Variants in ATRN observed in about 807,000 individuals in gnomAD.
ATRN encodes the protein attractin-2.
In ATRN, 54 loss-of-function variants were observed where a neutral mutation model predicts 178.7. The observed-to-expected ratio is 0.30, with a 90% CI of 0.24 to 0.38. ATRN has a LOEUF of 0.38. Among genes scored for constraint, ATRN ranks in the 10% least tolerant of loss-of-function variants. The probability of loss-of-function intolerance (pLI) is 1.00; values close to 1 mark genes in which losing one functional copy is unlikely to be tolerated. For missense variants in ATRN, 1,443 were observed against 1,815.1 expected (o/e 0.79, Z 3.73); for synonymous variants, 636 against 663.0 (o/e 0.96, Z 0.63).
At chr20:3,540,425 A>G (rs117036387) in intron 3 of ATRN, 90 bp downstream of exon 3, 16,609 of 780,300 alleles carry the variant, frequency 0.021, 269 homozygotes, top group South Asian at 0.047. Flanking sequence ...GTTCACCTTT[A>G]TTATCACTTA....
rs368401873 is a variant in ATRN, at chr20:3,609,133, A to C, written c.3801+4871A>C. Among the ~76,000 whole-genome samples, 262 of 152,118 alleles carry C rather than the reference A, an allele frequency of 1.7e-3. 2 individuals carry two copies. Among genetic ancestry groups the C allele is most frequent in the Non-Finnish European group, 2.7e-3 (187 of 68,002 alleles). On this transcript the variant is annotated intron_variant, in intron 24 of 28. Coordinates refer to ENST00000262919, the MANE Select transcript of ATRN (RefSeq NM_139321.3). Reference sequence around the variant, plus strand: ...TTTTGGTAGTATGGTTTTTTTCACAATATTAATTATTTCAGTCCACAAATG... The same window carrying C: ...TTTTGGTAGTATGGTTTTTTTCACACTATTAATTATTTCAGTCCACAAATG...
At chr20:3,486,983 C>T (rs2084703554) in intron 1 of ATRN, among the ~76,000 whole-genome samples, 1 of 150,744 alleles carries the variant, frequency 6.6e-6, no homozygotes, top group African/African-American at 2.4e-5. Flanking sequence ...ATTCTGTTTA[C>T]TTTCTACTTC....
chr20:3,493,191 C>T (rs2084831362), intron 1 of ATRN, among the ~76,000 whole-genome samples: 2 of 150,160 alleles, frequency 1.3e-5, no homozygotes, highest in African/African-American at 4.9e-5. Context: ...TCTCACTCTG[C>T]CACCAGGCTG....
intron 25 of ATRN, among the ~76,000 whole-genome samples, chr20:3,626,454 A>G (rs1365514613): frequency 6.6e-6 from 1 of 152,150 alleles, no homozygotes; most frequent in Non-Finnish European, 1.5e-5. Context: ...TGCAAATCCT[A>G]TGTGTGTAGC....
intron 1 of ATRN, among the ~76,000 whole-genome samples, chr20:3,512,107 A>ATTTTTTTTTT (rs755934394): frequency 5.6e-5 from 6 of 106,390 alleles, no homozygotes; most frequent in African/African-American, 2.7e-4. Context: ...ATATATATAT[A>ATTTTTTTTTT]TTTTTTTTTT....
At chr20:3,511,910 T>C (rs2085133581) in intron 1 of ATRN, among the ~76,000 whole-genome samples, 1 of 151,832 alleles carries the variant, frequency 6.6e-6, no homozygotes, top group Non-Finnish European at 1.5e-5. Context: ...TGTACAGCCT[T>C]ATAATTATTT....
chr20:3,582,959 G>A (rs1440292567), intron 16 of ATRN, among the ~76,000 whole-genome samples: 1 of 152,190 alleles, frequency 6.6e-6, no homozygotes, highest in East Asian at 1.9e-4. Flanking sequence ...AGCTGCTGCA[G>A]CATGAAGACA....
chr20:3,492,580 ACACCTAAGGAAGT>A (rs942545297), intron 1 of ATRN, among the ~76,000 whole-genome samples: 1 of 152,092 alleles, frequency 6.6e-6, no homozygotes, highest in Admixed American at 6.6e-5. Context: ...ATGAAGGAAT[ACACCTAAGGAAGT>A]CTTTGATGGC....
At position 3,591,930 on chromosome 20, in the gene ATRN, C is replaced by G. The variant is rs185090847; in HGVS notation, c.3322+624C>G. Among the ~76,000 whole-genome samples, 30 of 152,314 alleles carry G rather than the reference C, an allele frequency of 2.0e-4. No individual in the cohort carries two copies. In the Middle Eastern group the frequency reaches 0.01, roughly 52 times the overall value. On this transcript the variant is annotated intron_variant, in intron 19 of 28. Coordinates refer to ENST00000262919, the MANE Select transcript of ATRN (RefSeq NM_139321.3). Reference sequence around the variant, plus strand: ...GAAGGAGCGTGACCCGTGAGGTAGACCTGAGTCCTTAACTGCACCTCTCTC... The same window carrying G: ...GAAGGAGCGTGACCCGTGAGGTAGAGCTGAGTCCTTAACTGCACCTCTCTC...
At chr20:3,471,743 G>T (rs1225007035) in intron 1 of ATRN, among the ~76,000 whole-genome samples, 2 of 152,210 alleles carry the variant, frequency 1.3e-5, no homozygotes, top group Non-Finnish European at 2.9e-5. Context: ...GGGGCACCCC[G>T]ACGGTATTTG....
intron 1 of ATRN, among the ~76,000 whole-genome samples, chr20:3,495,184 A>G (rs922746057): frequency 6.6e-6 from 1 of 152,224 alleles, no homozygotes; most frequent in South Asian, 2.1e-4. Context: ...AATTAGATCA[A>G]AATTTTCTGA....
intron 6 of ATRN, 77 bp from the exon 7 acceptor site, chr20:3,559,316 G>C: frequency 8.6e-7 from 1 of 1,167,864 alleles, no homozygotes; most frequent in Non-Finnish European, 1.3e-6. Flanking sequence ...CTCCAAACTG[G>C]ATTATGTCAC....
At chr20:3,565,645 A>T (rs2086023055) in intron 11 of ATRN, among the ~76,000 whole-genome samples, 1 of 151,940 alleles carries the variant, frequency 6.6e-6, no homozygotes, top group Admixed American at 6.6e-5. Flanking sequence ...GCGTGCCTGT[A>T]ATCCCCCCTA....
chr20:3,581,851 C>T (rs938798135), intron 15 of ATRN, among the ~76,000 whole-genome samples: 4 of 152,116 alleles, frequency 2.6e-5, no homozygotes, highest in African/African-American at 9.7e-5. Context: ...CCTAATCTAC[C>T]ATGGCTGAGT....
intron 1 of ATRN, among the ~76,000 whole-genome samples, chr20:3,505,440 G>A (rs2085029616): frequency 1.3e-5 from 2 of 152,226 alleles, no homozygotes; most frequent in African/African-American, 4.8e-5. Flanking sequence ...CTTGCAGATA[G>A]CCTGTCGTGG....
At chr20:3,547,765 G>A (rs767342873) in intron 5 of ATRN, among the ~76,000 whole-genome samples, 5 of 152,146 alleles carry the variant, frequency 3.3e-5, no homozygotes, top group Non-Finnish European at 5.9e-5. Context: ...GGATGTAGCA[G>A]AGAGCCAAGC....
intron 26 of ATRN, among the ~76,000 whole-genome samples, chr20:3,635,206 G>A (rs953969404): frequency 3.3e-5 from 5 of 151,766 alleles, no homozygotes; most frequent in Non-Finnish European, 7.4e-5. Context: ...TTGAGGACTC[G>A]GGGGAAAGAG....
At chr20:3,624,666 C>A in intron 25 of ATRN, 94 bp downstream of exon 25, 1 of 1,055,490 alleles carries the variant, frequency 9.5e-7, no homozygotes, top group Non-Finnish European at 1.4e-6. Flanking sequence ...AAAGAATAAT[C>A]CTGTGTTTCC....
chr20:3,606,277 T>A lies in ATRN; in HGVS notation c.3801+2015T>A, dbSNP rs1246368619. Among the ~76,000 whole-genome samples, 5 of 152,168 alleles carry A rather than the reference T, an allele frequency of 3.3e-5. 1 individual carries two copies. Among genetic ancestry groups the A allele is most frequent in the Non-Finnish European group, 5.9e-5 (4 of 68,028 alleles). On this transcript the variant is annotated intron_variant, in intron 24 of 28. Coordinates refer to ENST00000262919, the MANE Select transcript of ATRN (RefSeq NM_139321.3). ...GGGCCCCAGTGATGGAATTTTTCAG[T>A]CCCCTTTTTATCTCATTGCATGGCT...
Sources: gnomAD v4.1 joint callset for allele counts (sites outside exome capture counted in the v4.1 genomes callset) on GRCh38, gnomAD v4.1.1 for gene constraint, MANE v1.5 for transcripts, NCBI Gene and HGNC (gene_info 2026-07-23, HGNC 2026-07-21) for gene names.